The following XKR9 variants were observed in gnomAD, a reference collection of about 807,000 sequenced individuals.
XKR9 encodes XK-related protein 9.
Under a neutral mutation model 32.0 loss-of-function variants are expected in XKR9, and 32 were observed. That is an observed-to-expected ratio of 1.00 (90% CI 0.76 to 1.34). The LOEUF is 1.34. Among genes scored for constraint, XKR9 ranks in the 40% most tolerant of loss-of-function variants. The probability of loss-of-function intolerance (pLI) is 0.00; values close to 1 mark genes in which losing one functional copy is unlikely to be tolerated. For synonymous variants in XKR9, 168 were observed against 143.4 expected (o/e 1.17, Z -1.22); for missense variants, 546 against 429.7 (o/e 1.27, Z -2.39).
chr8:70,981,118 G>C, the XKR9 span, among the ~76,000 whole-genome samples: 11 of 152,252 alleles, frequency 7.2e-5, no homozygotes, highest in African/African-American at 2.6e-4. Flanking sequence ...TATGTGTCTA[G>C]GTGATGATCT....
intron 4 of XKR9, among the ~76,000 whole-genome samples, chr8:70,724,960 C>T (rs1010100386): frequency 6.6e-6 from 1 of 152,082 alleles, no homozygotes; most frequent in Non-Finnish European, 1.5e-5. Context: ...GAAGTTTAAT[C>T]GACTCACAGT....
the XKR9 span, among the ~76,000 whole-genome samples, chr8:71,017,846 T>TA: frequency 6.6e-6 from 1 of 152,226 alleles, no homozygotes; most frequent in African/African-American, 2.4e-5. Context: ...GTCATTCAAA[T>TA]AATGGCAGCA....
chr8:70,808,401 C>T, the XKR9 span, among the ~76,000 whole-genome samples: 4 of 152,072 alleles, frequency 2.6e-5, no homozygotes, highest in African/African-American at 7.2e-5. Flanking sequence ...TCTGCATTTC[C>T]AACTGAGGTA....
the XKR9 span, among the ~76,000 whole-genome samples, chr8:70,910,330 G>A: frequency 6.6e-6 from 1 of 152,106 alleles, no homozygotes; most frequent in Non-Finnish European, 1.5e-5. Flanking sequence ...TGCAAGCACT[G>A]CAATTACATG....
At chr8:70,689,479 G>A (rs902841667) in intron 3 of XKR9, among the ~76,000 whole-genome samples, 5 of 147,832 alleles carry the variant, frequency 3.4e-5, no homozygotes, top group African/African-American at 9.8e-5. Flanking sequence ...GTATATATAT[G>A]TATTTTTTAT....
chr8:70,783,053 C>A (rs1056369323), intron 2 of XKR9, among the ~76,000 whole-genome samples: 1 of 152,088 alleles, frequency 6.6e-6, no homozygotes, highest in Non-Finnish European at 1.5e-5. Flanking sequence ...GAAGGTTGAA[C>A]CACCAAGGGT....
At chr8:70,860,484 G>A in the XKR9 span, among the ~76,000 whole-genome samples, 12 of 152,120 alleles carry the variant, frequency 7.9e-5, no homozygotes, top group South Asian at 1.2e-3. Context: ...CAAGGTTATG[G>A]CACTTTGTTA....
At chr8:70,793,057 G>A (rs1807784236), downstream of XKR9, among the ~76,000 whole-genome samples, 1 of 152,098 alleles carries the variant, frequency 6.6e-6, no homozygotes, top group Non-Finnish European at 1.5e-5. Context: ...CTGTTTTAGT[G>A]TAAGCTCTTC....
Position 70,733,920 on chromosome 8 carries a change from C to G in XKR9, c.618C>G (p.Leu206=). The change falls in exon 5 of 5, where the codon CTC becomes CTG. Residue 206 remains leucine (L), a synonymous_variant. Coordinates refer to ENST00000408926, the MANE Select transcript of XKR9 (RefSeq NM_001011720.2). The part of the protein sequence containing the change: ...LNGLCPKITY[L]FYKLFTLLSW... ...GATTATGTCCCAAAATCACATATCT[C>G]TTTTACAAGTTGTTTACATTATTAT... 1 of 1,612,924 alleles carries G rather than the reference C, an allele frequency of 6.2e-7. No individual in the cohort carries two copies. Among genetic ancestry groups the G allele is most frequent in the Non-Finnish European group, 8.5e-7 (1 of 1,179,672 alleles).
chr8:70,705,212 A>C (rs1276895827), intron 3 of XKR9, among the ~76,000 whole-genome samples: 1 of 143,362 alleles, frequency 7.0e-6, no homozygotes, highest in African/African-American at 2.5e-5. Flanking sequence ...TACTTCAGTA[A>C]ATATTTCTTG....
At chr8:70,957,800 T>C in the XKR9 span, among the ~76,000 whole-genome samples, 1 of 143,542 alleles carries the variant, frequency 7.0e-6, no homozygotes. Flanking sequence ...TTTTTTTTTT[T>C]TTTTTTTGGG....
the XKR9 span, among the ~76,000 whole-genome samples, chr8:70,904,514 C>T: frequency 4.6e-5 from 7 of 152,128 alleles, no homozygotes. Context: ...CTATTTGTAT[C>T]TCTGCACGTG....
chr8:70,763,213 C>T (rs1807330948), intron 2 of XKR9, among the ~76,000 whole-genome samples: 1 of 152,180 alleles, frequency 6.6e-6, no homozygotes, highest in Admixed American at 6.5e-5. Flanking sequence ...TGAGTCAGAG[C>T]TCAATACATC....
At chr8:70,910,483 G>C in the XKR9 span, among the ~76,000 whole-genome samples, 2 of 152,074 alleles carry the variant, frequency 1.3e-5, no homozygotes, top group African/African-American at 4.8e-5. Context: ...AAAAAATTAA[G>C]TTCTGTCAAA....
chr8:71,021,661 C>A, the XKR9 span, among the ~76,000 whole-genome samples: 2 of 152,012 alleles, frequency 1.3e-5, no homozygotes, highest in Non-Finnish European at 2.9e-5. Context: ...CGCCACCATG[C>A]CCGGCCAATT....
chr8:70,791,770 A>C (rs576983527), downstream of XKR9, among the ~76,000 whole-genome samples: 25 of 152,124 alleles, frequency 1.6e-4, no homozygotes, highest in Admixed American at 1.6e-3. Context: ...GTATTCTGTT[A>C]TAGCTTCACA....
chr8:70,978,657 T>C, the XKR9 span, among the ~76,000 whole-genome samples: 1 of 152,204 alleles, frequency 6.6e-6, no homozygotes, highest in Non-Finnish European at 1.5e-5. Flanking sequence ...TCTCTCTGGC[T>C]GCCCTTAACA....
chr8:70,727,570 G>T (rs1806515676), intron 4 of XKR9, among the ~76,000 whole-genome samples: 1 of 151,784 alleles, frequency 6.6e-6, no homozygotes, highest in Non-Finnish European at 1.5e-5. Context: ...CTGGCTAATT[G>T]TTTATTTTTA....
Position 70,733,796 on chromosome 8 carries a change from A to G in XKR9, c.494A>G (p.Tyr165Cys), listed in dbSNP as rs772081765. ...LEHGQANFSQ[Y>C]AAIMVSCCAI... is the part of the protein sequence containing the mutation. ...TATTTTTTATTTTTTTGTTTTGTAG[A>G]TGCGGCCATCATGGTCTCTTGCTGT... The change falls in exon 5 of 5, where the codon TAT becomes TGT. Residue 165 changes from tyrosine to cysteine, a missense_variant and splice_region_variant. Physicochemically the swap from Tyr to Cys is radical, Grantham distance 194. Transcript: ENST00000408926. The G allele has an allele frequency of 6.5e-7, 1 of 1,549,524 alleles. No individual in the cohort carries two copies. Among genetic ancestry groups the G allele is most frequent in the Non-Finnish European group, 8.7e-7 (1 of 1,155,738 alleles).
Sources: gnomAD v4.1 joint callset for allele counts (sites outside exome capture counted in the v4.1 genomes callset) on GRCh38, gnomAD v4.1.1 for gene constraint, MANE v1.5 for transcripts, NCBI Gene and HGNC (gene_info 2026-07-23, HGNC 2026-07-21) for gene names.